The following REV3L variants were observed in gnomAD, a reference collection of about 807,000 sequenced individuals.
REV3L encodes REV3 like, DNA directed polymerase zeta catalytic subunit.
A neutral mutation model predicts 299.4 loss-of-function variants in REV3L; 69 were observed. The observed-to-expected ratio is 0.23, with a 90% CI of 0.19 to 0.28. The LOEUF is 0.28. Ranked by LOEUF, REV3L falls within the 10% of genes least tolerant of loss-of-function variation. The probability of loss-of-function intolerance (pLI) is 1.00; values close to 1 mark genes in which losing one functional copy is unlikely to be tolerated. For missense variants in REV3L, 3,128 were observed against 3,693.8 expected (o/e 0.85, Z 3.97); for synonymous variants, 1,238 against 1,271.4 (o/e 0.97, Z 0.56).
intron 14 of REV3L, 87 bp downstream of exon 14, chr6:111,367,028 G>T: frequency 1.8e-6 from 2 of 1,137,520 alleles, no homozygotes; most frequent in Non-Finnish European, 2.4e-6. Context: ...CATTTAAAAA[G>T]CTCTGATTTT....
At chr6:111,319,385 T>G (rs994827354) in intron 26 of REV3L, among the ~76,000 whole-genome samples, 5 of 151,484 alleles carry the variant, frequency 3.3e-5, no homozygotes, top group African/African-American at 1.2e-4. Context: ...GGCGTGAACC[T>G]GGGAGGCAGA....
intron 2 of REV3L, among the ~76,000 whole-genome samples, chr6:111,413,077 A>G (rs775879080): frequency 6.6e-6 from 1 of 152,116 alleles, no homozygotes; most frequent in Non-Finnish European, 1.5e-5. Flanking sequence ...GCTGCTGTAT[A>G]CCCTATTTTG....
intron 4 of REV3L, among the ~76,000 whole-genome samples, chr6:111,395,204 C>T (rs1282860839): frequency 6.6e-6 from 1 of 152,086 alleles, no homozygotes; most frequent in Non-Finnish European, 1.5e-5. Context: ...TTTTGTAGTT[C>T]CACATGAAGT....
At chr6:111,397,781 T>G (rs1782676374) in intron 4 of REV3L, among the ~76,000 whole-genome samples, 1 of 151,806 alleles carries the variant, frequency 6.6e-6, no homozygotes, top group African/African-American at 2.4e-5. Context: ...AGACCACAGG[T>G]GTATGCCACC....
At chr6:111,461,533 C>A (rs1481511202) in intron 1 of REV3L, among the ~76,000 whole-genome samples, 1 of 151,730 alleles carries the variant, frequency 6.6e-6, no homozygotes. Context: ...ATGAACAGTT[C>A]TATAAAATCT....
intron 4 of REV3L, among the ~76,000 whole-genome samples, chr6:111,396,388 T>C (rs1024091722): frequency 6.6e-6 from 1 of 151,518 alleles, no homozygotes; most frequent in Non-Finnish European, 1.5e-5. Flanking sequence ...TTGGATTCGA[T>C]TTGTTAGTAT....
chr6:111,317,080 AAGACAT>A (rs1175273039), intron 26 of REV3L, among the ~76,000 whole-genome samples: 2 of 152,214 alleles, frequency 1.3e-5, no homozygotes, highest in Admixed American at 1.3e-4. Flanking sequence ...TTCTAGTGAA[AAGACAT>A]TAAATAGTGG....
At chr6:111,361,578 A>G (rs1351115471) in intron 16 of REV3L, 2 of 152,082 alleles carry the variant, frequency 1.3e-5, no homozygotes, top group African/African-American at 4.8e-5. Flanking sequence ...TTAATAACAA[A>G]ATGCATTACT....
intron 4 of REV3L, among the ~76,000 whole-genome samples, chr6:111,403,072 A>G (rs112300247): frequency 6.6e-6 from 1 of 152,338 alleles, no homozygotes; most frequent in African/African-American, 2.4e-5. Flanking sequence ...ATAAAAAGAA[A>G]CGAAGTACTG....
intron 25 of REV3L, among the ~76,000 whole-genome samples, chr6:111,328,088 C>T (rs538274378): frequency 5.3e-5 from 8 of 152,216 alleles, no homozygotes; most frequent in South Asian, 2.1e-4. Flanking sequence ...CCCTGTCACA[C>T]TATATTGTAT....
chr6:111,462,183 T>A (rs770247146), intron 1 of REV3L, among the ~76,000 whole-genome samples: 4 of 152,154 alleles, frequency 2.6e-5, no homozygotes, highest in Non-Finnish European at 1.5e-5. Flanking sequence ...TCTGCAACCA[T>A]CTCCCCAGTT....
intron 16 of REV3L, among the ~76,000 whole-genome samples, chr6:111,360,468 A>ATTTTTTTTTTTTTT (rs1362929978): frequency 7.5e-6 from 1 of 133,452 alleles, no homozygotes. Flanking sequence ...TTGTTAAATA[A>ATTTTTTTTTTTTTT]TCTTTTTTTT....
intron 21 of REV3L, among the ~76,000 whole-genome samples, chr6:111,341,046 T>TC: frequency 6.7e-6 from 1 of 150,222 alleles, no homozygotes; most frequent in East Asian, 1.9e-4. Flanking sequence ...CAGCTTTTTT[T>TC]TTTTTTTTGA....
intron 20 of REV3L, among the ~76,000 whole-genome samples, chr6:111,347,926 G>C (rs1477398939): frequency 6.6e-6 from 1 of 152,018 alleles, no homozygotes; most frequent in African/African-American, 2.4e-5. Flanking sequence ...CCAAGTAGCT[G>C]TTGCCTGGCT....
At chr6:111,431,146 G>A (rs552649910) in intron 1 of REV3L, 40 of 1,529,644 alleles carry the variant, frequency 2.6e-5, no homozygotes, top group Admixed American at 1.3e-4. Context: ...TCTTCCAAGC[G>A]ATCTCAGCAG....
At chr6:111,318,048 A>G (rs2114758516) in intron 26 of REV3L, among the ~76,000 whole-genome samples, 1 of 151,908 alleles carries the variant, frequency 6.6e-6, no homozygotes, top group African/African-American at 2.4e-5. Flanking sequence ...ATGAAGAATC[A>G]TACACAAGTT....
At chr6:111,449,801 C>T (rs1028247884) in intron 1 of REV3L, among the ~76,000 whole-genome samples, 4 of 151,952 alleles carry the variant, frequency 2.6e-5, no homozygotes, top group African/African-American at 9.7e-5. Flanking sequence ...ATCCACCATG[C>T]CTGGAATCCA....
At chr6:111,456,407 A>T (rs1790163334) in intron 1 of REV3L, among the ~76,000 whole-genome samples, 1 of 152,190 alleles carries the variant, frequency 6.6e-6, no homozygotes, top group Non-Finnish European at 1.5e-5. Flanking sequence ...TTAAGAAGAA[A>T]TCTGTATATA....
chr6:111,436,404 A>G (rs1056054912), intron 1 of REV3L, among the ~76,000 whole-genome samples: 10 of 152,250 alleles, frequency 6.6e-5, no homozygotes, highest in African/African-American at 2.4e-4. Flanking sequence ...ATGAATGGAT[A>G]AAGAAAATAT....
Sources: allele counts gnomAD v4.1 joint callset (sites outside exome capture counted in the v4.1 genomes callset), GRCh38; gene constraint gnomAD v4.1.1; transcripts MANE v1.5; gene names NCBI Gene and HGNC (gene_info 2026-07-23, HGNC 2026-07-21).